The following KLF12 variants were observed in gnomAD, a reference collection of about 807,000 sequenced individuals.
KLF12 encodes KLF transcription factor 12.
Under a neutral mutation model 37.8 loss-of-function variants are expected in KLF12, and 9 were observed. The observed-to-expected ratio is 0.24, with a 90% CI of 0.14 to 0.42. The LOEUF (loss-of-function observed/expected upper bound fraction) is 0.42. KLF12 is among the 10% of genes least tolerant of loss of function. The pLI, the probability that KLF12 is intolerant of heterozygous loss-of-function variation, is 1.00. For missense variants in KLF12, 411 were observed against 516.0 expected, an observed-to-expected ratio of 0.80 and a Z score of 1.97; for synonymous variants, 208 against 202.1, an observed-to-expected ratio of 1.03 and a Z score of -0.25.
chr13:73,886,852 C>T (rs776942502), intron 3 of KLF12, among the ~76,000 whole-genome samples: 32 of 152,030 alleles, frequency 2.1e-4, no homozygotes, highest in African/African-American at 6.0e-4. Context: ...ATTAGCTGGG[C>T]GTGGTGGCGC....
intron 6 of KLF12, among the ~76,000 whole-genome samples, chr13:73,744,019 G>T (rs1419234589): frequency 6.6e-6 from 1 of 152,096 alleles, no homozygotes; most frequent in Non-Finnish European, 1.5e-5. Context: ...CTATTTATTT[G>T]GAAACTCTTC....
chr13:74,080,251 A>C (rs1874800071), intron 1 of KLF12, among the ~76,000 whole-genome samples: 1 of 152,012 alleles, frequency 6.6e-6, no homozygotes, highest in South Asian at 2.1e-4. Context: ...AGCCTGGGCA[A>C]CATAGTGGGA....
intron 1 of KLF12, among the ~76,000 whole-genome samples, chr13:74,021,846 G>C (rs937292339): frequency 6.6e-6 from 1 of 152,186 alleles, no homozygotes; most frequent in East Asian, 1.9e-4. Context: ...CAAGAACTTC[G>C]GATAGCAATG....
the KLF12 span, among the ~76,000 whole-genome samples, chr13:74,181,447 C>T: frequency 6.0e-5 from 9 of 150,406 alleles, no homozygotes; most frequent in East Asian, 5.9e-4. Flanking sequence ...CTTTGGGAGG[C>T]GGAGGCAGGC....
At chr13:73,988,333 C>T (rs904092445) in intron 2 of KLF12, among the ~76,000 whole-genome samples, 2 of 152,236 alleles carry the variant, frequency 1.3e-5, no homozygotes, top group Admixed American at 1.3e-4. Flanking sequence ...CATCCCAATT[C>T]CCTGGCTCTA....
chr13:74,136,295 C>T (rs1409757185), upstream of KLF12, among the ~76,000 whole-genome samples: 2 of 152,166 alleles, frequency 1.3e-5, no homozygotes, highest in African/African-American at 4.8e-5. Flanking sequence ...AACTCCCACT[C>T]CCTGATCCGA....
At chr13:73,923,363 T>C (rs1301623330) in intron 3 of KLF12, among the ~76,000 whole-genome samples, 1 of 152,192 alleles carries the variant, frequency 6.6e-6, no homozygotes, top group Non-Finnish European at 1.5e-5. Flanking sequence ...ATATCTCACT[T>C]ACTATACTTC....
intron 1 of KLF12, among the ~76,000 whole-genome samples, chr13:74,069,461 G>T (rs997991701): frequency 3.3e-5 from 5 of 152,210 alleles, no homozygotes; most frequent in Admixed American, 1.3e-4. Flanking sequence ...CATTCTGACA[G>T]ATCATACGTG....
the KLF12 span, among the ~76,000 whole-genome samples, chr13:74,227,728 T>C: frequency 5.9e-5 from 9 of 152,108 alleles, no homozygotes; most frequent in African/African-American, 1.9e-4. Context: ...GGGCAATTCA[T>C]GGAAACATAG....
intron 2 of KLF12, among the ~76,000 whole-genome samples, chr13:73,975,976 A>G (rs562542309): frequency 6.6e-6 from 1 of 152,308 alleles, no homozygotes; most frequent in East Asian, 1.9e-4. Flanking sequence ...TGTATGGAGA[A>G]GTGCCTTTCT....
At chr13:73,777,605 G>C (rs1228391701) in intron 5 of KLF12, among the ~76,000 whole-genome samples, 2 of 152,098 alleles carry the variant, frequency 1.3e-5, no homozygotes, top group African/African-American at 4.8e-5. Flanking sequence ...CTACACAGGA[G>C]GATGAGGCAG....
chr13:73,867,505 G>A (rs936331617), intron 3 of KLF12, among the ~76,000 whole-genome samples: 2 of 151,538 alleles, frequency 1.3e-5, no homozygotes, highest in African/African-American at 4.9e-5. Flanking sequence ...GAACTAAAAT[G>A]AGTAATAGAC....
chr13:74,181,449 G>A, the KLF12 span, among the ~76,000 whole-genome samples: 1 of 151,340 alleles, frequency 6.6e-6, no homozygotes, highest in Non-Finnish European at 1.5e-5. Flanking sequence ...TTGGGAGGCG[G>A]AGGCAGGCGG....
chr13:73,937,962 T>C (rs980050841), intron 3 of KLF12, among the ~76,000 whole-genome samples: 3 of 152,196 alleles, frequency 2.0e-5, no homozygotes, highest in Non-Finnish European at 2.9e-5. Flanking sequence ...CTGCAAATGT[T>C]TTTCTTTGAA....
chr13:73,865,681 A>G (rs1432913089), intron 3 of KLF12, among the ~76,000 whole-genome samples: 1 of 152,200 alleles, frequency 6.6e-6, no homozygotes, highest in Non-Finnish European at 1.5e-5. Context: ...TAAGAAAAAT[A>G]AGAACAAATT....
intron 1 of KLF12, among the ~76,000 whole-genome samples, chr13:74,042,622 A>C (rs1013932931): frequency 6.6e-6 from 1 of 152,120 alleles, no homozygotes; most frequent in Non-Finnish European, 1.5e-5. Context: ...ATGTGAATTG[A>C]CTCAACGACT....
intron 3 of KLF12, among the ~76,000 whole-genome samples, chr13:73,906,403 TA>T (rs1195183196): frequency 6.6e-6 from 1 of 152,202 alleles, no homozygotes; most frequent in Non-Finnish European, 1.5e-5. Context: ...AATTCTTACA[TA>T]TATTTTCCAG....
chr13:73,806,120 T>C (rs572180312), intron 5 of KLF12, among the ~76,000 whole-genome samples: 70 of 150,886 alleles, frequency 4.6e-4, no homozygotes, highest in African/African-American at 1.5e-3. Context: ...TTCTTTCTTT[T>C]TTTTTTTTTG....
At chr13:74,088,221 A>G (rs1172189768) in intron 1 of KLF12, among the ~76,000 whole-genome samples, 2 of 152,142 alleles carry the variant, frequency 1.3e-5, no homozygotes, top group Non-Finnish European at 2.9e-5. Context: ...ATTTCAGAGG[A>G]ATTTAACCCA....
Sources: allele counts gnomAD v4.1 joint callset (sites outside exome capture counted in the v4.1 genomes callset), GRCh38; gene constraint gnomAD v4.1.1; transcripts MANE v1.5; gene names NCBI Gene and HGNC (gene_info 2026-07-23, HGNC 2026-07-21).